The following CHST9 variants were observed in gnomAD, a reference collection of about 807,000 sequenced individuals.
CHST9 encodes carbohydrate sulfotransferase 9, also known as GalNAc-4-sulfotransferase 2.
CHST9 carries 41 observed loss-of-function variants against 44.4 expected under a neutral mutation model. That is an observed-to-expected ratio of 0.92 (90% confidence interval 0.72 to 1.20). CHST9 has a LOEUF of 1.20. CHST9 is among the 50% of genes most tolerant of loss of function. The pLI is 0.00. For synonymous variants in CHST9, 171 were observed against 178.4 expected, an observed-to-expected ratio of 0.96 and a Z score of 0.33; for missense variants, 504 against 516.5, an observed-to-expected ratio of 0.98 and a Z score of 0.23.
chr18:27,047,068 G>A (rs1255851380), intron 3 of CHST9, among the ~76,000 whole-genome samples: 2 of 152,024 alleles, frequency 1.3e-5, no homozygotes, highest in African/African-American at 4.8e-5. Context: ...TGGTGGGGGT[G>A]CAGGAAAGGG....
intron 2 of CHST9, among the ~76,000 whole-genome samples, chr18:27,060,183 A>T (rs1325052920): frequency 6.6e-6 from 1 of 152,202 alleles, no homozygotes. Flanking sequence ...TGTAAAAAGT[A>T]AACAAGAAAT....
chr18:26,985,995 G>A (rs767902442), intron 4 of CHST9, among the ~76,000 whole-genome samples: 2 of 151,940 alleles, frequency 1.3e-5, no homozygotes, highest in African/African-American at 2.4e-5. Flanking sequence ...ACTGTATCCT[G>A]GTATAAAGCC....
chr18:26,985,285 A>C (rs1368737398), intron 4 of CHST9, among the ~76,000 whole-genome samples: 1 of 152,214 alleles, frequency 6.6e-6, no homozygotes, highest in Non-Finnish European at 1.5e-5. Flanking sequence ...AAATGAATCT[A>C]TGTTGAGAAG....
At chr18:27,057,512 C>T (rs1357800638) in intron 2 of CHST9, among the ~76,000 whole-genome samples, 1 of 152,196 alleles carries the variant, frequency 6.6e-6, no homozygotes, top group African/African-American at 2.4e-5. Flanking sequence ...TGCCCTCCTG[C>T]AGGTTTAGAT....
chr18:27,157,815 T>TA (rs887762051), intron 1 of CHST9, among the ~76,000 whole-genome samples: 158 of 151,078 alleles, frequency 1.0e-3, no homozygotes, highest in South Asian at 2.7e-3. Flanking sequence ...ACAAAACATG[T>TA]AAAAAAAAAC....
chr18:26,932,128 A>G (rs1012832725), intron 5 of CHST9, among the ~76,000 whole-genome samples: 2 of 152,214 alleles, frequency 1.3e-5, no homozygotes, highest in African/African-American at 4.8e-5. Context: ...TCAGCTCTCC[A>G]GTTTAAAATA....
intron 2 of CHST9, among the ~76,000 whole-genome samples, chr18:27,093,214 G>T (rs1052420006): frequency 3.9e-5 from 6 of 152,244 alleles, no homozygotes; most frequent in African/African-American, 1.4e-4. Flanking sequence ...GGACCCACTT[G>T]AGGAGGCAGT....
At chr18:27,011,461 C>A (rs2057083711) in intron 4 of CHST9, among the ~76,000 whole-genome samples, 1 of 152,118 alleles carries the variant, frequency 6.6e-6, no homozygotes, top group East Asian at 1.9e-4. Context: ...TTGAGCCATT[C>A]TCAGGCTGGG....
rs559201377 is a variant in CHST9, at chr18:26,967,258, TG to T, written c.203-22893del. The stretch of plus-strand genomic sequence containing the variant: ...TGCAATGAAAGCTTTCTGAATGCTA[TG>T]TAGGAAGCTGCTTATATAAGGGACT... On this transcript the variant is annotated intron_variant, in intron 4 of 5. Coordinates refer to ENST00000618847, the MANE Select transcript of CHST9 (RefSeq NM_031422.6). 5.3e-5 allele frequency among the ~76,000 whole-genome samples: 8 copies of T among 152,288 alleles called. No individual in the cohort carries two copies. In the South Asian group the frequency reaches 1.5e-3, roughly 28 times the overall value.
intron 2 of CHST9, among the ~76,000 whole-genome samples, chr18:27,137,304 A>ATGTGTGTGTG (rs60705060): frequency 6.9e-6 from 1 of 145,488 alleles, no homozygotes; most frequent in African/African-American, 2.5e-5. Context: ...TTATTTATAT[A>ATGTGTGTGTG]TGTGTGTGTG....
intron 3 of CHST9, among the ~76,000 whole-genome samples, chr18:27,026,858 T>C (rs1051390492): frequency 1.3e-5 from 2 of 152,232 alleles, no homozygotes; most frequent in Admixed American, 6.5e-5. Flanking sequence ...TGAAAAAGAA[T>C]TAAGACTTAA....
chr18:27,158,483 A>T (rs377401121), intron 1 of CHST9, among the ~76,000 whole-genome samples: 39,455 of 143,918 alleles, frequency 0.27, 5,878 homozygotes, highest in Middle Eastern at 0.39. Context: ...ATGTACCACA[A>T]TTTCTTAATC....
intron 1 of CHST9, among the ~76,000 whole-genome samples, chr18:27,144,070 C>G (rs1227665719): frequency 6.6e-6 from 1 of 152,158 alleles, no homozygotes; most frequent in Non-Finnish European, 1.5e-5. Flanking sequence ...TAGTTAGCAG[C>G]CCGGCTAATG....
intron 3 of CHST9, among the ~76,000 whole-genome samples, chr18:27,031,843 G>T (rs1318696758): frequency 6.6e-6 from 1 of 152,114 alleles, no homozygotes; most frequent in Non-Finnish European, 1.5e-5. Context: ...TTTCAGAGTG[G>T]CCATCCTCTG....
intron 2 of CHST9, among the ~76,000 whole-genome samples, chr18:27,131,532 CA>C (rs1334348776): frequency 6.6e-6 from 1 of 152,128 alleles, no homozygotes; most frequent in Non-Finnish European, 1.5e-5. Flanking sequence ...GCCTGGGCGA[CA>C]CGAGCAAAAC....
intron 2 of CHST9, among the ~76,000 whole-genome samples, chr18:27,051,310 T>C (rs1396991267): frequency 2.1e-5 from 3 of 146,226 alleles, no homozygotes; most frequent in East Asian, 1.9e-4. Context: ...CCCTAATTAG[T>C]TGGGAGGCTG....
chr18:27,034,256 G>A (rs1046364956), intron 3 of CHST9, among the ~76,000 whole-genome samples: 1 of 151,984 alleles, frequency 6.6e-6, no homozygotes, highest in African/African-American at 2.4e-5. Flanking sequence ...CTCTGTTTTC[G>A]TATCCTTCCA....
intron 4 of CHST9, among the ~76,000 whole-genome samples, chr18:26,969,696 G>A (rs1298489994): frequency 2.6e-5 from 4 of 152,128 alleles, no homozygotes; most frequent in African/African-American, 7.2e-5. Context: ...GAAGTGAAAT[G>A]AAGAAGATAA....
chr18:27,182,201 G>C (rs1338891833), intron 1 of CHST9, among the ~76,000 whole-genome samples: 1 of 152,012 alleles, frequency 6.6e-6, no homozygotes, highest in African/African-American at 2.4e-5. Flanking sequence ...TTCATTTTTA[G>C]GATACAGAAA....
Sources: gnomAD v4.1 joint callset for allele counts (sites outside exome capture counted in the v4.1 genomes callset) on GRCh38, gnomAD v4.1.1 for gene constraint, MANE v1.5 for transcripts, NCBI Gene and HGNC (gene_info 2026-07-23, HGNC 2026-07-21) for gene names.